Variants in SKIL observed in about 807,000 individuals in gnomAD.
SKIL encodes ski-like protein.
In SKIL, 20 loss-of-function variants were observed where a neutral mutation model predicts 69.6. The observed-to-expected ratio is 0.29, with a 90% CI of 0.20 to 0.42. The LOEUF (loss-of-function observed/expected upper bound fraction) is 0.42. Among genes scored for constraint, SKIL ranks in the 10% least tolerant of loss-of-function variants. SKIL has a pLI of 1.00. For synonymous variants in SKIL, 310 were observed against 279.9 expected, an observed-to-expected ratio of 1.11 and a Z score of -1.08; for missense variants, 745 against 783.1, an observed-to-expected ratio of 0.95 and a Z score of 0.58.
chr3:170,379,189 A>G (rs997953772), intron 2 of SKIL, among the ~76,000 whole-genome samples: 3 of 152,172 alleles, frequency 2.0e-5, no homozygotes, highest in Non-Finnish European at 4.4e-5. Context: ...TATGTTGGCC[A>G]GGCTGGTCTT....
intron 4 of SKIL, 177 bp downstream of exon 4, chr3:170,384,942 T>A (rs1178200325): frequency 2.0e-6 from 1 of 494,230 alleles, no homozygotes. Context: ...GCTATACTTT[T>A]CTAGCGTGGT....
chr3:170,358,774 G>A (rs1560202760), intron 1 of SKIL: 1 of 152,160 alleles, frequency 6.6e-6, no homozygotes, highest in South Asian at 2.1e-4. Flanking sequence ...TCTTTGTGAG[G>A]TTTGTCTGCC....
intron 2 of SKIL, among the ~76,000 whole-genome samples, chr3:170,377,779 C>T (rs977670985): frequency 1.3e-5 from 2 of 150,940 alleles, no homozygotes; most frequent in African/African-American, 4.9e-5. Context: ...TGGTCTTGAA[C>T]TCCTGATCTC....
In SKIL at chr3:170,360,851, G is replaced by A; in HGVS notation, c.520G>A (p.Val174Ile). Residue 174 changes from valine to isoleucine, a missense_variant, in exon 2 of 7, where the codon GTT becomes ATT. By Grantham distance (29) the Val-to-Ile change is conservative (BLOSUM62 3). Transcript: ENST00000259119. ...CTGTTTGCCCCAAGTCTTAAATTCTGTTCTCCGAGAATTTACACTCCAGCA... is the reference window on the plus strand; with the variant it reads ...CTGTTTGCCCCAAGTCTTAAATTCTATTCTCCGAGAATTTACACTCCAGCA... ...RLCLPQVLNSVLREFTLQQIN... is the reference protein window; with the variant it reads ...RLCLPQVLNSILREFTLQQIN... The A allele has an allele frequency of 6.2e-7, 1 of 1,614,124 alleles. No homozygotes were observed. Among genetic ancestry groups the A allele is most frequent in the East Asian group, 2.2e-5 (1 of 44,892 alleles).
intron 4 of SKIL, among the ~76,000 whole-genome samples, chr3:170,388,683 G>C (rs1348005060): frequency 1.3e-5 from 2 of 152,062 alleles, no homozygotes; most frequent in Non-Finnish European, 2.9e-5. Context: ...ACCTGCCTCA[G>C]CCTCCCAAAG....
rs2108232991 is a variant in SKIL at position 170,396,359 on chromosome 3, TTTAC to T, written c.*3945_*3948del. 1 of 152,196 alleles carries T rather than the reference TTTAC, an allele frequency of 6.6e-6. No individual in the cohort carries two copies. Among genetic ancestry groups the T allele is most frequent in the South Asian group, 2.1e-4 (1 of 4,816 alleles). 9.4% of individuals were successfully genotyped at this position (152,196 alleles called of 1,614,324 possible). On this transcript the variant is annotated 3_prime_UTR_variant, in exon 7 of 7. Transcript: ENST00000259119. ...GGAATTAGTTTATGAGAAATAAAAT[TTTAC>T]TTGTTTTTACTATCCTGTTAGAAGT... is the stretch of plus-strand genomic sequence containing the variant.
chr3:170,363,019 C>T (rs1251137580), intron 2 of SKIL, among the ~76,000 whole-genome samples: 1 of 151,710 alleles, frequency 6.6e-6, no homozygotes, highest in Non-Finnish European at 1.5e-5. Context: ...TGTGTAATAA[C>T]AGTTCCTAAC....
At chr3:170,358,694 C>A (rs1314727677) in intron 1 of SKIL, 1 of 152,168 alleles carries the variant, frequency 6.6e-6, no homozygotes, top group Admixed American at 6.5e-5. Context: ...TATTGGATTT[C>A]TTTTGGCTTT....
At chr3:170,383,852 G>C (rs1013029156) in intron 3 of SKIL, among the ~76,000 whole-genome samples, 3 of 152,066 alleles carry the variant, frequency 2.0e-5, no homozygotes, top group African/African-American at 7.2e-5. Flanking sequence ...AGGGTGGTGG[G>C]CAAGATAAAG....
intron 4 of SKIL, among the ~76,000 whole-genome samples, chr3:170,386,945 C>CCCTTTT (rs1309495155): frequency 1.3e-5 from 2 of 152,214 alleles, no homozygotes; most frequent in Non-Finnish European, 2.9e-5. Context: ...TTAAAGCCTA[C>CCCTTTT]AATTCAGTGG....
intron 4 of SKIL, among the ~76,000 whole-genome samples, chr3:170,389,228 G>A (rs1737791898): frequency 6.6e-6 from 1 of 151,870 alleles, no homozygotes; most frequent in East Asian, 1.9e-4. Context: ...GATCAGTTTA[G>A]AGTTAATTTT....
intron 2 of SKIL, among the ~76,000 whole-genome samples, chr3:170,370,421 CAGAG>C (rs35595653): frequency 7.5e-5 from 4 of 53,536 alleles, no homozygotes; most frequent in East Asian, 8.4e-4. Flanking sequence ...TGTATATATA[CAGAG>C]AGAGAGAGAG....
In SKIL at chr3:170,392,297, C is replaced by T. The variant is rs762599340; in HGVS notation, c.1935C>T (p.Ala645=). The T allele has an allele frequency of 3.3e-5, 53 of 1,611,738 alleles. No individual in the cohort carries two copies. The South Asian group carries it at 4.7e-4, about 14-fold the overall frequency. Residue 645 remains alanine (A), a synonymous_variant, in exon 7 of 7, where the codon GCC becomes GCT. Transcript: ENST00000259119. ...ELRQRLDHAE[A]DRQELQDELR... is the part of the protein sequence containing the mutation. Reference sequence around the variant, plus strand: ...GGCAGAGATTGGACCATGCTGAGGCCGATAGGCAAGAACTCCAAGATGAAC... The same window carrying T: ...GGCAGAGATTGGACCATGCTGAGGCTGATAGGCAAGAACTCCAAGATGAAC...
intron 2 of SKIL, among the ~76,000 whole-genome samples, chr3:170,364,250 G>A (rs927731807): frequency 1.3e-5 from 2 of 150,452 alleles, no homozygotes; most frequent in African/African-American, 4.9e-5. Context: ...ACCATGCCCA[G>A]TGGTGGTCTA....
intron 4 of SKIL, among the ~76,000 whole-genome samples, chr3:170,389,563 C>T (rs977424622): frequency 2.0e-5 from 3 of 152,144 alleles, no homozygotes; most frequent in African/African-American, 7.2e-5. Flanking sequence ...ATCCGCCCTT[C>T]TCGGCCTCCC....
intron 2 of SKIL, among the ~76,000 whole-genome samples, chr3:170,369,816 T>A (rs1462324240): frequency 6.6e-6 from 1 of 152,224 alleles, no homozygotes; most frequent in Non-Finnish European, 1.5e-5. Context: ...GCTTTGGTAA[T>A]AGCTTGAATC....
chr3:170,360,514 A>G lies in SKIL; in HGVS notation c.183A>G (p.Pro61=), dbSNP rs753478070. Residue 61 remains proline, a synonymous_variant, in exon 2 of 7, where the codon CCA becomes CCG. Transcript: ENST00000259119. The part of the protein sequence containing the change: ...KEHLDDYGEA[P]VETDGEHVKR... ...ACTTGGATGACTATGGAGAAGCACC[A>G]GTGGAAACTGATGGAGAGCATGTTA... The G allele has an allele frequency of 3.7e-6, 6 of 1,614,218 alleles. No individual in the cohort carries two copies. In the South Asian group the frequency reaches 6.6e-5, roughly 18 times the overall value.
chr3:170,384,422 G>T, intron 3 of SKIL, 111 bp from the exon 4 acceptor site: 1 of 573,890 alleles, frequency 1.7e-6, no homozygotes, highest in Non-Finnish European at 3.1e-6. Context: ...AATATTGTCT[G>T]TTTTGGTTAG....
chr3:170,367,121 T>G (rs376188896), intron 2 of SKIL, among the ~76,000 whole-genome samples: 20 of 152,324 alleles, frequency 1.3e-4, no homozygotes, highest in East Asian at 5.8e-4. Context: ...TTGTTTGTTT[T>G]TTTTGAGACG....
Sources: gnomAD v4.1 joint callset for allele counts (sites outside exome capture counted in the v4.1 genomes callset) on GRCh38, gnomAD v4.1.1 for gene constraint, MANE v1.5 for transcripts, NCBI Gene and HGNC (gene_info 2026-07-23, HGNC 2026-07-21) for gene names.